TAF15: variants seen among roughly 807,000 people sequenced by gnomAD.
TAF15 encodes the protein TATA-box binding protein associated factor 15.
TAF15 carries 37 observed loss-of-function variants against 102.5 expected under a neutral mutation model. The observed-to-expected ratio is 0.36, with a 90% confidence interval of 0.28 to 0.47. TAF15 has a LOEUF of 0.47. TAF15 is among the 20% of genes least tolerant of loss of function. The probability of loss-of-function intolerance (pLI) is 0.99; values close to 1 mark genes in which losing one functional copy is unlikely to be tolerated. For missense variants in TAF15, 652 were observed against 760.7 expected, an observed-to-expected ratio of 0.86 and a Z score of 1.68; for synonymous variants, 273 against 259.2, an observed-to-expected ratio of 1.05 and a Z score of -0.51.
Position 35,844,792 on chromosome 17 carries a change from G to A in TAF15, c.1493G>A (p.Arg498Gln), listed in dbSNP as rs577066226. 2.1e-5 allele frequency: 34 copies of A among 1,601,558 alleles called. No homozygotes were observed. Among genetic ancestry groups the A allele is most frequent in the South Asian group, 7.7e-5 (7 of 90,620 alleles). ...CGAGGTGGAGGCTATGGTGGAGACC[G>A]AGGAGGCTATGGAGGAGATCGAGGA... ...GDRGGGYGGD[R>Q]GGYGGDRGGY... The change falls in exon 15 of 16, where the codon CGA becomes CAA. Residue 498 changes from arginine to glutamine, a missense_variant. By Grantham distance (43) the Arg-to-Gln change is conservative (BLOSUM62 1). Coordinates refer to ENST00000605844, the MANE Select transcript of TAF15 (RefSeq NM_139215.3).
chr17:35,827,432 A>G (rs1222923510), intron 7 of TAF15, among the ~76,000 whole-genome samples: 2 of 152,072 alleles, frequency 1.3e-5, no homozygotes, highest in Non-Finnish European at 2.9e-5. Flanking sequence ...TGGGCCAGGT[A>G]TGGTGGCTCA....
intron 1 of TAF15, chr17:35,810,790 C>G (rs943391535): frequency 1.1e-4 from 16 of 152,062 alleles, no homozygotes; most frequent in Non-Finnish European, 2.1e-4. Context: ...TACAAATTAG[C>G]GGGAACCTTT....
In TAF15 at chr17:35,822,731, TC is replaced by T; in HGVS notation, c.383del (p.Ser128TyrfsTer40). The T allele has an allele frequency of 6.2e-7, 1 of 1,614,134 alleles. No individual in the cohort carries two copies. Among genetic ancestry groups the T allele is most frequent in the Non-Finnish European group, 8.5e-7 (1 of 1,180,024 alleles). ...QQSGYDQHQG[S>X]YDEQSNYDQQ... is the part of the protein sequence containing the mutation. Reference sequence around the variant, plus strand: ...GTCAGGCTATGATCAACATCAAGGCTCATATGATGAGCAGTCAAATTATGAT... The same window carrying T: ...GTCAGGCTATGATCAACATCAAGGCTATATGATGAGCAGTCAAATTATGAT... On this transcript the variant is annotated frameshift_variant, in exon 6 of 16. Transcript: ENST00000605844. LOFTEE classifies it high-confidence loss of function.
intron 6 of TAF15, among the ~76,000 whole-genome samples, chr17:35,823,397 T>A (rs1263675966): frequency 1.3e-5 from 2 of 152,066 alleles, no homozygotes; most frequent in Non-Finnish European, 2.9e-5. Flanking sequence ...GTGAAGAAAG[T>A]GGTAACTTTT....
At chr17:35,816,469 A>G (rs921241735) in intron 1 of TAF15, among the ~76,000 whole-genome samples, 4 of 152,236 alleles carry the variant, frequency 2.6e-5, no homozygotes, top group Admixed American at 6.5e-5. Context: ...CATGGGTGAC[A>G]GGAAGAGTTC....
At chr17:35,846,109 C>T (rs959532860) in intron 15 of TAF15, among the ~76,000 whole-genome samples, 13 of 152,126 alleles carry the variant, frequency 8.5e-5, no homozygotes, top group African/African-American at 3.1e-4. Context: ...TACTAAGGAC[C>T]TGTATGCCAG....
intron 12 of TAF15, among the ~76,000 whole-genome samples, chr17:35,843,429 T>G (rs1427786242): frequency 2.0e-5 from 3 of 152,146 alleles, no homozygotes; most frequent in Non-Finnish European, 2.9e-5. Context: ...CAGCCCAGCT[T>G]CTTTATTTCT....
intron 7 of TAF15, among the ~76,000 whole-genome samples, chr17:35,832,028 A>G (rs1352231555): frequency 6.6e-6 from 1 of 152,212 alleles, no homozygotes; most frequent in Non-Finnish European, 1.5e-5. Context: ...CGGTGAGCCA[A>G]GATTGCGCCA....
In TAF15 at chr17:35,844,393, T is replaced by G. The variant is rs748187934; in HGVS notation, c.1177+25T>G. The stretch of plus-strand genomic sequence containing the variant: ...GGTGGGTCAGCCTTTTAATAGCATC[T>G]GCATCGTGCTTATCTTCTGACTAGC... On this transcript the variant is annotated intron_variant, in intron 14 of 15. Transcript: ENST00000605844. 4 of 1,612,756 alleles carry G rather than the reference T, an allele frequency of 2.5e-6. No homozygotes were observed. In the South Asian group the frequency reaches 4.4e-5, roughly 18 times the overall value.
chr17:35,831,785 T>TA (rs1381339892), intron 7 of TAF15, among the ~76,000 whole-genome samples: 2 of 152,024 alleles, frequency 1.3e-5, no homozygotes, highest in South Asian at 2.1e-4. Context: ...TTTTTGGAGT[T>TA]AAAAAACCTC....
At chr17:35,834,296 C>T in intron 8 of TAF15, 2 of 450,084 alleles carry the variant, frequency 4.4e-6, no homozygotes, top group Non-Finnish European at 7.8e-6. Context: ...TCAGCCTTTA[C>T]AACCAGAGCT....
Position 35,844,319 on chromosome 17 carries a change from C to T in TAF15, c.1128C>T (p.Cys376=). Residue 376 remains cysteine (C), a synonymous_variant, in exon 14 of 16, where the codon TGC becomes TGT. Transcript: ENST00000605844. Reference sequence around the variant, plus strand: ...TGAACTTTGCTCGAAGGAATTCCTGCAATCAGTGCAATGAGCCTAGACCAG... The same window carrying T: ...TGAACTTTGCTCGAAGGAATTCCTGTAATCAGTGCAATGAGCCTAGACCAG... The part of the protein sequence containing the change: ...GNMNFARRNS[C]NQCNEPRPED... The T allele has an allele frequency of 2.5e-6, 4 of 1,614,210 alleles. No individual in the cohort carries two copies. In the South Asian group the frequency reaches 3.3e-5, roughly 13 times the overall value.
At chr17:35,835,049 G>T (rs1440416678) in intron 9 of TAF15, among the ~76,000 whole-genome samples, 1 of 152,036 alleles carries the variant, frequency 6.6e-6, no homozygotes, top group African/African-American at 2.4e-5. Flanking sequence ...CGGCTGGGGA[G>T]CTTTATTTCT....
intron 1 of TAF15, among the ~76,000 whole-genome samples, chr17:35,817,496 C>G (rs1221709085): frequency 1.3e-5 from 2 of 152,120 alleles, no homozygotes; most frequent in African/African-American, 4.8e-5. Context: ...TCTTGTGACC[C>G]TAGCACACAT....
intron 7 of TAF15, among the ~76,000 whole-genome samples, chr17:35,828,197 G>C (rs974792331): frequency 2.6e-5 from 4 of 152,128 alleles, no homozygotes; most frequent in African/African-American, 9.7e-5. Context: ...AACTGCCGTA[G>C]AAATACACAT....
intron 11 of TAF15, 46 bp from the exon 12 acceptor site, chr17:35,842,321 G>A (rs762034419): frequency 2.8e-6 from 4 of 1,410,456 alleles, no homozygotes; most frequent in Middle Eastern, 1.9e-4. Context: ...TTGACAGGTG[G>A]AGGTATAGAG....
chr17:35,818,936 AT>A (rs1465629805), intron 2 of TAF15, among the ~76,000 whole-genome samples: 1 of 152,236 alleles, frequency 6.6e-6, no homozygotes, highest in South Asian at 2.1e-4. Flanking sequence ...ACCATAAAAA[AT>A]ATTAAGCGTT....
intron 1 of TAF15, among the ~76,000 whole-genome samples, chr17:35,816,361 G>A (rs905532266): frequency 4.4e-4 from 67 of 152,174 alleles, no homozygotes; most frequent in African/African-American, 1.5e-3. Flanking sequence ...ATAGCTGGGC[G>A]TGGTGCTGCA....
intron 9 of TAF15, 125 bp from the exon 10 acceptor site, chr17:35,836,007 T>A: frequency 1.5e-6 from 1 of 684,596 alleles, no homozygotes; most frequent in South Asian, 1.8e-5. Flanking sequence ...TGTTCTTATA[T>A]TGGTCCTTTC....
Sources: allele counts gnomAD v4.1 joint callset (sites outside exome capture counted in the v4.1 genomes callset), GRCh38; gene constraint gnomAD v4.1.1; transcripts MANE v1.5; gene names NCBI Gene and HGNC (gene_info 2026-07-23, HGNC 2026-07-21).